The following PCLO variants were observed in gnomAD, a reference collection of about 807,000 sequenced individuals.
PCLO encodes the protein piccolo presynaptic cytomatrix protein, also known as protein piccolo.
A neutral mutation model predicts 427.5 loss-of-function variants in PCLO; 82 were observed. The ratio of observed to expected loss-of-function variants is 0.19; its 90% CI spans 0.16 to 0.23. The LOEUF is 0.23. Among genes scored for constraint, PCLO ranks in the 10% least tolerant of loss-of-function variants. The probability of loss-of-function intolerance (pLI) is 1.00; values close to 1 mark genes in which losing one functional copy is unlikely to be tolerated. For synonymous variants in PCLO, 2,357 were observed against 2,155.4 expected (o/e 1.09, Z -2.59); for missense variants, 6,239 against 6,115.9 (o/e 1.02, Z -0.67).
At position 82,954,922 on chromosome 7, in the gene PCLO, G is replaced by T. The variant is rs1430616872; in HGVS notation, c.6031C>A (p.Gln2011Lys). 2 of 1,613,590 alleles carry T rather than the reference G, an allele frequency of 1.2e-6. No individual in the cohort carries two copies. The highest frequency in any genetic ancestry group is 8.5e-7 in the Non-Finnish European group (1 of 1,179,784). The change falls in exon 5 of 25, where the codon CAG (glutamine) becomes AAG (lysine). Residue 2011 changes from glutamine (Q) to lysine (K), a missense_variant. Around this residue, in one of 5 missense-constraint regions of PCLO, gnomAD observed 4,677 missense variants for 4,468.4 expected, o/e 1.05. Transcript: ENST00000333891. The stretch of plus-strand genomic sequence containing the variant: ...CTTTCTAACTCATAAAACTCTTTCT[G>T]GAGGTCTGTAATTTTCTGCATAGGA... ...EDPMQKITDL[Q>K]KEFYELESLH...
At chr7:83,154,706 A>G in intron 2 of PCLO, 42 bp downstream of exon 2, 1 of 1,380,288 alleles carries the variant, frequency 7.2e-7, no homozygotes, top group East Asian at 2.3e-5. Context: ...TAAGAGGATG[A>G]TATGGCTGAA....
intron 3 of PCLO, among the ~76,000 whole-genome samples, chr7:83,099,982 AT>A (rs1330284769): frequency 1.6e-5 from 2 of 128,526 alleles, no homozygotes; most frequent in East Asian, 6.9e-4. Context: ...ATAATTTACT[AT>A]ACTTATTATA....
intron 8 of PCLO, among the ~76,000 whole-genome samples, chr7:82,907,885 G>C (rs1012137337): frequency 6.6e-6 from 1 of 151,906 alleles, no homozygotes; most frequent in Non-Finnish European, 1.5e-5. Flanking sequence ...TATAGTCAAT[G>C]TATTTTAGAC....
chr7:83,097,039 A>G (rs1390916840), intron 3 of PCLO, among the ~76,000 whole-genome samples: 1 of 64,420 alleles, frequency 1.6e-5, no homozygotes, highest in Non-Finnish European at 2.6e-5. Flanking sequence ...AATATATATT[A>G]TATATTATAT....
chr7:83,048,896 A>G (rs1182705634), intron 3 of PCLO, among the ~76,000 whole-genome samples: 1 of 152,184 alleles, frequency 6.6e-6, no homozygotes, highest in East Asian at 1.9e-4. Flanking sequence ...TTTAACATGC[A>G]CTTTACCTAT....
intron 2 of PCLO, among the ~76,000 whole-genome samples, chr7:83,144,868 C>T (rs749420653): frequency 2.0e-5 from 3 of 152,092 alleles, no homozygotes; most frequent in Admixed American, 6.5e-5. Flanking sequence ...CTTTAAGTTA[C>T]GTTGCATAAG....
At chr7:82,936,642 C>T (rs1393431039) in intron 6 of PCLO, among the ~76,000 whole-genome samples, 2 of 151,620 alleles carry the variant, frequency 1.3e-5, no homozygotes, top group African/African-American at 2.4e-5. Context: ...TATGGAATTA[C>T]TATAACATCC....
intron 19 of PCLO, among the ~76,000 whole-genome samples, chr7:82,822,950 A>T (rs1367093065): frequency 6.6e-6 from 1 of 152,166 alleles, no homozygotes; most frequent in Admixed American, 6.6e-5. Context: ...CTAGTAATAA[A>T]TATGTTAACT....
At chr7:82,957,525 A>G (rs1406412317) in intron 4 of PCLO, among the ~76,000 whole-genome samples, 1 of 152,224 alleles carries the variant, frequency 6.6e-6, no homozygotes, top group African/African-American at 2.4e-5. Context: ...TTTAAGAGAC[A>G]TTTTGAAAGT....
Position 82,805,751 on chromosome 7 carries a change from C to A in PCLO, c.14870G>T (p.Ser4957Ile), listed in dbSNP as rs757022758. 6.2e-7 allele frequency: 1 copy of A among 1,612,218 alleles called. No individual in the cohort carries two copies. Among genetic ancestry groups the A allele is most frequent in the Non-Finnish European group, 8.5e-7 (1 of 1,179,184 alleles). Reference protein sequence around the residue: ...SSGSSFGSGYSVDSEGSSSTA... With the variant: ...SSGSSFGSGYIVDSEGSSSTA... ...GCTGCTGCTTCCTTCACTGTCCACG[C>A]TATACCCACTGCCAAAGCTGCTGCC... The change falls in exon 21 of 25, where the codon AGC becomes ATC. Residue 4957 changes from serine to isoleucine, a missense_variant. Physicochemically the swap from Ser to Ile is moderately radical, Grantham distance 142. Around this residue, in one of 5 missense-constraint regions of PCLO, gnomAD observed 877 missense variants for 925.5 expected, o/e 0.95. Coordinates refer to ENST00000333891, the MANE Select transcript of PCLO (RefSeq NM_033026.6).
chr7:83,134,864 G>C lies in PCLO; in HGVS notation c.2686C>G (p.Pro896Ala). Residue 896 changes from proline to alanine, a missense_variant, in exon 3 of 25, where the codon CCA (proline) becomes GCA (alanine). Around this residue, in one of 5 missense-constraint regions of PCLO, gnomAD observed 4,677 missense variants for 4,468.4 expected, o/e 1.05. Coordinates refer to ENST00000333891, the MANE Select transcript of PCLO (RefSeq NM_033026.6). ...CGCCTTGACTGCTCCTGAGGCTTTG[G>C]GGACTGTTGAGGTGTGGGGACAGTT... ...GQTVPTPQQSPKPQEQSRRFS... is the reference protein window; with the variant it reads ...GQTVPTPQQSAKPQEQSRRFS... The C allele has an allele frequency of 1.9e-6, 3 of 1,608,934 alleles. No homozygotes were observed. The highest frequency in any genetic ancestry group is 2.5e-6 in the Non-Finnish European group (3 of 1,177,312).
At chr7:82,833,008 T>C (rs1385991586) in intron 16 of PCLO, among the ~76,000 whole-genome samples, 1 of 152,182 alleles carries the variant, frequency 6.6e-6, no homozygotes, top group Non-Finnish European at 1.5e-5. Context: ...GGCTACATTG[T>C]CAATTGTAAC....
intron 3 of PCLO, among the ~76,000 whole-genome samples, chr7:83,105,678 T>C (rs1188218476): frequency 1.3e-5 from 2 of 152,116 alleles, no homozygotes; most frequent in Non-Finnish European, 2.9e-5. Flanking sequence ...AAAGTGCTAT[T>C]TTGTTGTTTG....
chr7:82,760,943 CTTTTTTT>C (rs767222339), intron 23 of PCLO, among the ~76,000 whole-genome samples, 159 bp from the exon 24 acceptor site: 4 of 60,394 alleles, frequency 6.6e-5, no homozygotes, highest in Non-Finnish European at 9.0e-5. Context: ...AAAGATATGT[CTTTTTTT>C]TTTTTTTTTT....
At position 82,903,833 on chromosome 7, in the gene PCLO, C is replaced by T. The variant is rs577645621; in HGVS notation, c.13438-1092G>A. 1.4e-4 allele frequency among the ~76,000 whole-genome samples: 21 copies of T among 151,990 alleles called. No individual in the cohort carries two copies. In the South Asian group the frequency reaches 1.4e-3, roughly 10 times the overall value. On this transcript the variant is annotated intron_variant, in intron 8 of 24. Transcript: ENST00000333891. Reference sequence around the variant, plus strand: ...CAGAATTTAGAACTAAAGAGGTATACATTTTGTGAAGAAAGATTCCTTAGA... The same window carrying T: ...CAGAATTTAGAACTAAAGAGGTATATATTTTGTGAAGAAAGATTCCTTAGA...
At position 82,954,469 on chromosome 7, in the gene PCLO, G is replaced by A. The variant is rs775351686; in HGVS notation, c.6484C>T (p.Leu2162=). The change falls in exon 5 of 25, where the codon CTG becomes TTG. Residue 2162 remains leucine (L), a synonymous_variant. Transcript: ENST00000333891. The part of the protein sequence containing the change: ...EIQEIIAHES[L]ILTYSEPSES... The stretch of plus-strand genomic sequence containing the variant: ...GAAGGCTCCGAGTAGGTCAAAATCA[G>A]CGATTCATGGGCAATTATCTCTTGA... 13 of 1,613,962 alleles carry A rather than the reference G, an allele frequency of 8.1e-6. No individual in the cohort carries two copies. The highest frequency in any genetic ancestry group is 1.0e-5 in the Non-Finnish European group (12 of 1,179,854).
At position 82,948,294 on chromosome 7, in the gene PCLO, G is replaced by GAAA. The variant is rs34214635; in HGVS notation, c.11112+1179_11112+1181dup. Among the ~76,000 whole-genome samples the GAAA allele has an allele frequency of 1.1e-3, 159 of 142,666 alleles. 1 individual carries two copies. The highest frequency in any genetic ancestry group is 3.7e-3 in the East Asian group (18 of 4,928). 93.6% of individuals were successfully genotyped at this position (142,666 alleles called of 152,430 possible). On this transcript the variant is annotated intron_variant, in intron 6 of 24. Coordinates refer to ENST00000333891, the MANE Select transcript of PCLO (RefSeq NM_033026.6). The stretch of plus-strand genomic sequence containing the variant: ...TTAGTTTTAGCTTATACTACTTTGA[G>GAAA]AAAAAAAAAAACGTAATAACGCAAT...
At chr7:83,065,851 G>A (rs906791238) in intron 3 of PCLO, among the ~76,000 whole-genome samples, 2 of 152,224 alleles carry the variant, frequency 1.3e-5, no homozygotes, top group Middle Eastern at 3.4e-3. Flanking sequence ...GTCAGTAGCT[G>A]TGATGAAATC....
intron 3 of PCLO, among the ~76,000 whole-genome samples, chr7:83,050,258 T>A (rs1445027386): frequency 2.2e-3 from 24 of 11,116 alleles, no homozygotes; most frequent in Admixed American, 7.0e-3. Context: ...CAAAAAAAAC[T>A]AGAAGTGCTT....
Sources: gnomAD v4.1 joint callset for allele counts (sites outside exome capture counted in the v4.1 genomes callset) on GRCh38, gnomAD v4.1.1 for gene constraint, gnomAD v4.1.1 regional missense constraint, MANE v1.5 for transcripts, NCBI Gene and HGNC (gene_info 2026-07-23, HGNC 2026-07-21) for gene names.